Variants in SLC7A3 observed in about 807,000 individuals in gnomAD.
SLC7A3 encodes cationic amino acid transporter 3.
SLC7A3 carries 3 observed loss-of-function variants against 33.2 expected under a neutral mutation model. The ratio of observed to expected loss-of-function variants is 0.09; its 90% CI spans 0.04 to 0.23. The LOEUF is 0.23. Ranked by LOEUF, SLC7A3 falls within the 10% of genes least tolerant of loss-of-function variation. The pLI, the probability that SLC7A3 is intolerant of heterozygous loss-of-function variation, is 1.00. For synonymous variants in SLC7A3, 193 were observed against 195.1 expected, an observed-to-expected ratio of 0.99 and a Z score of 0.09; for missense variants, 360 against 488.8, an observed-to-expected ratio of 0.74 and a Z score of 2.48.
At position 70,927,468 on chromosome X, in the gene SLC7A3, A is replaced by C; in HGVS notation, c.1183+16T>G. On this transcript the variant is annotated intron_variant, in intron 7 of 11. Coordinates refer to ENST00000374299, the MANE Select transcript of SLC7A3 (RefSeq NM_032803.6). The stretch of plus-strand genomic sequence containing the variant: ...TTGGCGAAACAACTAAGGGAAGGGG[A>C]AAGAGGGTCTGTTACCTGCAATAAT... 4.1e-6 allele frequency: 5 copies of C among 1,211,494 alleles called. No homozygotes were observed. Among genetic ancestry groups the C allele is most frequent in the Non-Finnish European group, 5.6e-6 (5 of 895,373 alleles).
chrX:70,926,823 C>T (rs975878404), intron 9 of SLC7A3, 52 bp downstream of exon 9: 42 of 1,183,197 alleles, frequency 3.5e-5, no homozygotes, highest in Non-Finnish European at 4.3e-5. Context: ...CCACACACTT[C>T]GACCCAATCA....
intron 6 of SLC7A3, 85 bp downstream of exon 6, chrX:70,927,713 C>T: frequency 8.7e-7 from 1 of 1,156,001 alleles, no homozygotes; most frequent in South Asian, 2.0e-5. Context: ...TTTCCCCTCA[C>T]AGCCCTTTTA....
intron 1 of SLC7A3, 78 bp downstream of exon 1, chrX:70,930,899 T>G (rs59445423): frequency 3.1e-4 from 35 of 111,458 alleles, no homozygotes; most frequent in Admixed American, 3.0e-3. Flanking sequence ...CTGCATGCCA[T>G]GGTTGCCAGA....
At chrX:70,926,048 C>T (rs2091895993) in intron 11 of SLC7A3, 22 bp downstream of exon 11, 2 of 1,206,191 alleles carry the variant, frequency 1.7e-6, no homozygotes, top group Middle Eastern at 2.3e-4. Flanking sequence ...AAGAAGCCTA[C>T]TCTTCCCAAG....
rs1465582580 is a variant in SLC7A3, at chrX:70,928,915, GC to G, written c.457del (p.Ala153HisfsTer44). The stretch of plus-strand genomic sequence containing the variant: ...TGCAAGGACATGGGGCACGTGCAGT[GC>G]AATGGACCCCTGCAGAGTCTTAGAG... ...HISKTLQGSI[A>X]LHVPHVLAEY... On this transcript the variant is annotated frameshift_variant, in exon 3 of 12. Transcript: ENST00000374299. LOFTEE classifies it high-confidence loss of function. 1 of 1,211,204 alleles carries G rather than the reference GC, an allele frequency of 8.3e-7. No individual in the cohort carries two copies. Among genetic ancestry groups the G allele is most frequent in the Non-Finnish European group, 1.1e-6 (1 of 895,126 alleles).
intron 10 of SLC7A3, 71 bp from the exon 11 acceptor site, chrX:70,926,249 G>T: frequency 1.1e-6 from 1 of 933,637 alleles, no homozygotes; most frequent in South Asian, 2.2e-5. Flanking sequence ...ATCCTATGCA[G>T]GCCAGAAAAG....
chrX:70,925,882 T>C lies in SLC7A3; in HGVS notation c.1791A>G (p.Gln597=), dbSNP rs944846341. 12 of 1,208,711 alleles carry C rather than the reference T, an allele frequency of 9.9e-6. No homozygotes were observed. The highest frequency in any genetic ancestry group is 1.3e-5 in the Non-Finnish European group (12 of 894,825). ...QHSLEEIKSN[Q]PSRKSRAKTV... ...TTTTGGCTCTAGACTTGCGTGAGGG[T>C]TGGTTACTCTTAATCTCTTCCAGGC... The change falls in exon 12 of 12, where the codon CAA becomes CAG. Residue 597 remains glutamine, a synonymous_variant. Transcript: ENST00000374299.
rs1569467758 is a variant in SLC7A3, at chrX:70,929,674, G to T, written c.324C>A (p.Leu108=). ...GGTTCCAGCCAGTGGTGAAGGCCCA[G>T]AGTTCACCCACAGTGACATAGCTGT... ...YLYSYVTVGE[L]WAFTTGWNLI... The change falls in exon 2 of 12, where the codon CTC becomes CTA. Residue 108 remains leucine, a synonymous_variant. Transcript: ENST00000374299. 8.3e-7 allele frequency: 1 copy of T among 1,210,988 alleles called. No homozygotes were observed. The highest frequency in any genetic ancestry group is 1.1e-6 in the Non-Finnish European group (1 of 895,207).
chrX:70,926,779 GCT>G, intron 9 of SLC7A3, 86 bp from the exon 10 acceptor site: 1 of 1,154,677 alleles, frequency 8.7e-7, no homozygotes, highest in Non-Finnish European at 1.2e-6. Flanking sequence ...AAGGAGAGTC[GCT>G]CTCTCTCTAG....
rs762838003 is a variant in SLC7A3 at position 70,926,071 on chromosome X, A to G, written c.1728T>C (p.Ile576=). 6 of 1,209,053 alleles carry G rather than the reference A, an allele frequency of 5.0e-6. No individual in the cohort carries two copies. The highest frequency in any genetic ancestry group is 5.6e-6 in the Non-Finnish European group (5 of 893,047). ...TWARFGVWML[I]GFAIYFGYGI... is the part of the protein sequence containing the mutation. ...TACTCTTCCCAAGTGGATACCTACC[A>G]ATCAGCATCCAGACCCCAAATCGGG... The change falls in exon 11 of 12, where the codon ATT becomes ATC. Residue 576 remains isoleucine, a splice_region_variant and synonymous_variant. Transcript: ENST00000374299.
intron 2 of SLC7A3, 113 bp from the exon 3 acceptor site, chrX:70,929,115 A>T: frequency 1.3e-6 from 1 of 776,686 alleles, no homozygotes; most frequent in Non-Finnish European, 1.9e-6. Context: ...TTTTGAGACC[A>T]AGTCTCACTC....
At chrX:70,926,006 C>T in intron 11 of SLC7A3, 63 bp from the exon 12 acceptor site, 1 of 1,206,774 alleles carries the variant, frequency 8.3e-7, no homozygotes, top group South Asian at 1.8e-5. Flanking sequence ...CTACTTGAGA[C>T]CAAGAGGGAA....
At chrX:70,926,717 A>G (rs374503535) in intron 9 of SLC7A3, 24 bp from the exon 10 acceptor site, 19 of 1,175,449 alleles carry the variant, frequency 1.6e-5, no homozygotes, top group Non-Finnish European at 2.0e-5. Flanking sequence ...GTTGAGAGAC[A>G]TCAAAACCAA....
At position 70,928,856 on chromosome X, in the gene SLC7A3, A is replaced by G; in HGVS notation, c.517T>C (p.Leu173=). 1 of 1,211,163 alleles carries G rather than the reference A, an allele frequency of 8.3e-7. No homozygotes were observed. ...YPDFFALGLV[L]LLTGLLALGA... is the part of the protein sequence containing the mutation. ...CTCTTTGCCTCACCAGTGAGCAGCA[A>G]CACGAGGCCCAAAGCAAAGAAATCT... The change falls in exon 3 of 12, where the codon TTG becomes CTG. Residue 173 remains leucine, a synonymous_variant. Coordinates refer to ENST00000374299, the MANE Select transcript of SLC7A3 (RefSeq NM_032803.6).
chrX:70,927,260 G>A (rs1023154581), intron 8 of SLC7A3, 22 bp downstream of exon 8: 1 of 1,180,529 alleles, frequency 8.5e-7, no homozygotes, highest in African/African-American at 1.8e-5. Flanking sequence ...CCAAATCACA[G>A]TATGCAGAGG....
rs1401491243 is a variant in SLC7A3 at position 70,931,077 on chromosome X, AG to A, written c.-127del. The A allele has an allele frequency of 2.7e-5, 3 of 111,021 alleles. No homozygotes were observed. Among genetic ancestry groups the A allele is most frequent in the South Asian group, 7.7e-4 (2 of 2,599 alleles). 9.1% of individuals were successfully genotyped at this position (111,021 alleles called of 1,213,427 possible). ...TTGGAGCTGCCGAGTTCGGCCGCTC[AG>A]GCTTCAAAGCTGCGGCTTGGGGTCG... is the stretch of plus-strand genomic sequence containing the variant. On this transcript the variant is annotated 5_prime_UTR_variant, in exon 1 of 12. Coordinates refer to ENST00000374299, the MANE Select transcript of SLC7A3 (RefSeq NM_032803.6).
chrX:70,929,882 GC>G lies in SLC7A3; in HGVS notation c.115del (p.Ala39ProfsTer15). The G allele has an allele frequency of 8.3e-7, 1 of 1,211,689 alleles. No homozygotes were observed. The highest frequency in any genetic ancestry group is 1.1e-6 in the Non-Finnish European group (1 of 895,441). On this transcript the variant is annotated frameshift_variant, in exon 2 of 12. Transcript: ENST00000374299. LOFTEE classifies it high-confidence loss of function. ...ACCCAATGTGCTGCCCACACCCAGG[GC>G]CACTAAATCCAGGGTGCTTAGGCAT... ...ARCLSTLDLVALGVGSTLGAG... is the reference protein window; with the variant it reads ...ARCLSTLDLVXLGVGSTLGAG...
rs1481571807 is a variant in SLC7A3, at chrX:70,928,974, G to A, written c.399C>T (p.Ser133=). ...IGTASVARAW[S]SAFDNLIGNH... is the part of the protein sequence containing the mutation. ...TCCCAATCAGGTTGTCAAAAGCAGA[G>A]CTCCAGGCCCGGGCCACACTGGCTG... The change falls in exon 3 of 12, where the codon AGC becomes AGT. Residue 133 remains serine, a synonymous_variant. Coordinates refer to ENST00000374299, the MANE Select transcript of SLC7A3 (RefSeq NM_032803.6). The A allele has an allele frequency of 1.7e-6, 2 of 1,210,143 alleles. No individual in the cohort carries two copies. The highest frequency in any genetic ancestry group is 1.7e-5 in the African/African-American group (1 of 57,269).
chrX:70,927,777 A>C (rs757112629), intron 6 of SLC7A3, 21 bp downstream of exon 6: 22 of 1,169,386 alleles, frequency 1.9e-5, no homozygotes, highest in Middle Eastern at 4.6e-4. Flanking sequence ...CAGCAGAAGA[A>C]AACAAACATT....
Sources: gnomAD v4.1 joint callset for allele counts on GRCh38, gnomAD v4.1.1 for gene constraint, MANE v1.5 for transcripts, NCBI Gene and HGNC (gene_info 2026-07-23, HGNC 2026-07-21) for gene names.